FBXL17: variants seen among roughly 807,000 people sequenced by gnomAD.
FBXL17 encodes the protein F-box/LRR-repeat protein 17.
In FBXL17, 22 loss-of-function variants were observed where a neutral mutation model predicts 66.2. The ratio of observed to expected loss-of-function variants is 0.33; its 90% CI spans 0.24 to 0.47. The LOEUF is 0.47. Among genes scored for constraint, FBXL17 ranks in the 20% least tolerant of loss-of-function variants. The pLI, the probability that FBXL17 is intolerant of heterozygous loss-of-function variation, is 1.00. For missense variants in FBXL17, 878 were observed against 948.2 expected (o/e 0.93, Z 0.97); for synonymous variants, 474 against 400.5 (o/e 1.18, Z -2.19).
intron 6 of FBXL17, among the ~76,000 whole-genome samples, chr5:108,099,152 C>T (rs542791381): frequency 3.0e-4 from 46 of 151,996 alleles, no homozygotes; most frequent in Non-Finnish European, 5.4e-4. Context: ...GCCCATCCCC[C>T]AACTAAGCAA....
At chr5:108,046,836 A>C (rs1243585784) in intron 6 of FBXL17, among the ~76,000 whole-genome samples, 1 of 152,240 alleles carries the variant, frequency 6.6e-6, no homozygotes, top group Non-Finnish European at 1.5e-5. Context: ...ACTCAAGAGG[A>C]AAATAAAATA....
Position 108,381,190 on chromosome 5 carries a change from G to T in FBXL17, c.502C>A (p.Arg168Ser). The T allele has an allele frequency of 7.0e-7, 1 of 1,438,822 alleles. No homozygotes were observed. Among genetic ancestry groups the T allele is most frequent in the Non-Finnish European group, 9.1e-7 (1 of 1,097,532 alleles). 89.1% of individuals were successfully genotyped at this position (1,438,822 alleles called of 1,614,324 possible). The change falls in exon 1 of 9, where the codon CGC becomes AGC. Residue 168 changes from arginine (R) to serine (S), a missense_variant. Physicochemically the swap from Arg to Ser is moderately radical, Grantham distance 110. Coordinates refer to ENST00000542267, the MANE Select transcript of FBXL17 (RefSeq NM_001163315.3). ...ACGGCGGCGGGCGGCCCCAGGAAGC[G>T]CACCGGCCCCAAGCTGGCCAGGAAG... ...SLFLASLGPV[R>S]FLGPPAAVQL...
At chr5:108,164,296 C>T (rs1325157615) in intron 6 of FBXL17, among the ~76,000 whole-genome samples, 1 of 152,158 alleles carries the variant, frequency 6.6e-6, no homozygotes, top group East Asian at 1.9e-4. Context: ...AGGTTTGTTC[C>T]TGTTAGAATA....
chr5:107,879,668 A>G, intron 8 of FBXL17: 1 of 985,482 alleles, frequency 1.0e-6, no homozygotes, highest in Non-Finnish European at 1.2e-6. Flanking sequence ...CACATTTGCT[A>G]CATTTAGAAG....
intron 4 of FBXL17, among the ~76,000 whole-genome samples, chr5:108,325,675 T>A (rs989091025): frequency 1.3e-5 from 2 of 152,156 alleles, no homozygotes; most frequent in Non-Finnish European, 2.9e-5. Context: ...GTAAATACCC[T>A]ATTTGTCTGG....
At chr5:108,308,834 T>C (rs756933996) in intron 4 of FBXL17, among the ~76,000 whole-genome samples, 18 of 152,128 alleles carry the variant, frequency 1.2e-4, no homozygotes, top group Non-Finnish European at 2.5e-4. Context: ...ACATATGGTT[T>C]AGAATAGACA....
chr5:107,987,893 T>G (rs193070004), intron 7 of FBXL17, among the ~76,000 whole-genome samples: 3 of 152,104 alleles, frequency 2.0e-5, no homozygotes, highest in African/African-American at 7.2e-5. Context: ...CATTACAGGA[T>G]GCATTAGATG....
At chr5:108,318,254 C>T (rs1233621331) in intron 4 of FBXL17, among the ~76,000 whole-genome samples, 4 of 151,676 alleles carry the variant, frequency 2.6e-5, no homozygotes, top group Non-Finnish European at 5.9e-5. Context: ...CAATAATACA[C>T]CCAGTAACTT....
chr5:108,096,048 T>C (rs1226098687), intron 6 of FBXL17, among the ~76,000 whole-genome samples: 1 of 152,206 alleles, frequency 6.6e-6, no homozygotes, highest in Non-Finnish European at 1.5e-5. Context: ...TTCCTAGATA[T>C]AGATTCAATG....
intron 7 of FBXL17, among the ~76,000 whole-genome samples, chr5:107,913,327 T>A (rs770973710): frequency 6.6e-6 from 1 of 152,092 alleles, no homozygotes; most frequent in African/African-American, 2.4e-5. Context: ...AGGCAGAATG[T>A]AGAAATGGCA....
intron 4 of FBXL17, among the ~76,000 whole-genome samples, chr5:108,244,085 C>T (rs1176336397): frequency 2.0e-5 from 3 of 152,088 alleles, no homozygotes; most frequent in African/African-American, 7.2e-5. Flanking sequence ...TGTTTTTATT[C>T]TTCAGCCTCT....
intron 4 of FBXL17, among the ~76,000 whole-genome samples, chr5:108,255,142 G>GA (rs1554080235): frequency 1.3e-5 from 2 of 151,986 alleles, no homozygotes; most frequent in Non-Finnish European, 2.9e-5. Context: ...ATAATTTGTC[G>GA]TTTATTTTTC....
At chr5:108,090,149 G>A (rs1749135194) in intron 6 of FBXL17, among the ~76,000 whole-genome samples, 1 of 152,090 alleles carries the variant, frequency 6.6e-6, no homozygotes, top group African/African-American at 2.4e-5. Context: ...GTTTTAATAA[G>A]CTTAATCATA....
At position 107,893,240 on chromosome 5, in the gene FBXL17, T is replaced by A. The variant is rs192780158; in HGVS notation, c.1823-12061A>T. 2.6e-5 allele frequency among the ~76,000 whole-genome samples: 4 copies of A among 152,280 alleles called. No homozygotes were observed. In the East Asian group the frequency reaches 5.8e-4, roughly 22 times the overall value. On this transcript the variant is annotated intron_variant, in intron 7 of 8. Coordinates refer to ENST00000542267, the MANE Select transcript of FBXL17 (RefSeq NM_001163315.3). ...AGGTGCATAGAATAAACAGGATGGA[T>A]GCTACAGAAGGGAGAGGCCTGGTTC...
At chr5:108,010,287 CA>C (rs1159101253) in intron 7 of FBXL17, among the ~76,000 whole-genome samples, 3 of 152,126 alleles carry the variant, frequency 2.0e-5, no homozygotes, top group African/African-American at 7.2e-5. Flanking sequence ...CAAACAAAAT[CA>C]GAAGGTAATA....
intron 6 of FBXL17, among the ~76,000 whole-genome samples, chr5:108,172,427 T>G (rs1752640725): frequency 6.6e-6 from 1 of 152,216 alleles, no homozygotes; most frequent in African/African-American, 2.4e-5. Context: ...CAACGTCATA[T>G]TGCACAAAAG....
chr5:108,127,554 T>C (rs1750770968), intron 6 of FBXL17, among the ~76,000 whole-genome samples: 1 of 152,090 alleles, frequency 6.6e-6, no homozygotes, highest in South Asian at 2.1e-4. Flanking sequence ...AAGGAGATGC[T>C]TATATTAAAA....
In FBXL17 at chr5:108,381,030, C is replaced by A; in HGVS notation, c.662G>T (p.Gly221Val). Residue 221 changes from glycine to valine, a missense_variant, in exon 1 of 9, where the codon GGC becomes GTC. Around this residue, in one of 4 missense-constraint regions of FBXL17, gnomAD observed 605 missense variants for 509.5 expected, o/e 1.19. Coordinates refer to ENST00000542267, the MANE Select transcript of FBXL17 (RefSeq NM_001163315.3). Reference sequence around the variant, plus strand: ...CCCGCCACCGCCGCCGCCGCCGCCGCCGCAGCCCCCGCCGCCGCAGCGGGG... The same window carrying A: ...CCCGCCACCGCCGCCGCCGCCGCCGACGCAGCCCCCGCCGCCGCAGCGGGG... Reference protein sequence around the residue: ...KQPRCGGGGCGGGGGGGGGGG... With the variant: ...KQPRCGGGGCVGGGGGGGGGG... 8.4e-7 allele frequency: 1 copy of A among 1,193,496 alleles called. No individual in the cohort carries two copies. The highest frequency in any genetic ancestry group is 1.0e-6 in the Non-Finnish European group (1 of 963,864). 73.9% of individuals were successfully genotyped at this position (1,193,496 alleles called of 1,614,324 possible).
chr5:108,340,353 C>G (rs1746799967), intron 4 of FBXL17, among the ~76,000 whole-genome samples: 1 of 150,002 alleles, frequency 6.7e-6, no homozygotes, highest in Non-Finnish European at 1.5e-5. Context: ...GAGTTCGAGA[C>G]CAGCCTGGGC....
Sources: allele counts gnomAD v4.1 joint callset (sites outside exome capture counted in the v4.1 genomes callset), GRCh38; gene constraint gnomAD v4.1.1; regional missense constraint gnomAD v4.1.1; transcripts MANE v1.5; gene names NCBI Gene and HGNC (gene_info 2026-07-23, HGNC 2026-07-21).